ANO3: variants seen among roughly 807,000 people sequenced by gnomAD.
The protein encoded by ANO3 is anoctamin-3.
A neutral mutation model predicts 144.8 loss-of-function variants in ANO3; 99 were observed. That is an observed-to-expected ratio of 0.68 (90% CI 0.58 to 0.81). The LOEUF (loss-of-function observed/expected upper bound fraction) is 0.81, where lower values mean the gene tolerates loss of function less well. Ranked by LOEUF, ANO3 falls within the 30% of genes least tolerant of loss-of-function variation. The pLI is 0.00. For missense variants in ANO3, 905 were observed against 1,202.2 expected, an observed-to-expected ratio of 0.75 and a Z score of 3.66; for synonymous variants, 414 against 392.6, an observed-to-expected ratio of 1.05 and a Z score of -0.64.
intron 1 of ANO3, among the ~76,000 whole-genome samples, chr11:26,235,019 A>AGAGAGAGAGAGAGAGAGAGG (rs1852487630): frequency 2.0e-5 from 3 of 151,928 alleles, no homozygotes; most frequent in African/African-American, 7.2e-5. Flanking sequence ...AGAGAGAGAG[A>AGAGAGAGAGAGAGAGAGAGG]GAGAGATGAG....
In ANO3 at chr11:26,456,194, T is replaced by C. The variant is rs1208058112; in HGVS notation, c.314-6836T>C. 1.2e-4 allele frequency among the ~76,000 whole-genome samples: 18 copies of C among 152,060 alleles called. No homozygotes were observed. In the South Asian group the frequency reaches 3.5e-3, roughly 30 times the overall value. ...GACTTCATGTCTAAAACACCAAAAGTAATGGCAACAGAAGCCAAAATTGAC... is the reference window on the plus strand; with the variant it reads ...GACTTCATGTCTAAAACACCAAAAGCAATGGCAACAGAAGCCAAAATTGAC... On this transcript the variant is annotated intron_variant, in intron 3 of 26. Coordinates refer to ENST00000256737, the MANE Select transcript of ANO3 (RefSeq NM_031418.4).
intron 1 of ANO3, among the ~76,000 whole-genome samples, chr11:26,401,625 A>C (rs1265400555): frequency 6.6e-6 from 1 of 151,970 alleles, no homozygotes; most frequent in Non-Finnish European, 1.5e-5. Context: ...CTGTAATCCC[A>C]GTACTTTGGG....
chr11:26,212,202 G>GA lies in ANO3; in HGVS notation c.154+22878dup, dbSNP rs201769924. Among the ~76,000 whole-genome samples, 935 of 150,800 alleles carry GA rather than the reference G, an allele frequency of 6.2e-3. 6 individuals carry two copies. Among genetic ancestry groups the GA allele is most frequent in the African/African-American group, 0.022 (896 of 41,232 alleles). On this transcript the variant is annotated intron_variant, in intron 1 of 27. Coordinates refer to the ANO3 transcript ENST00000672621. ...TGCACATATACCTCAAAACTTAAAA[G>GA]AAAAAAGTATATATTAAAAAAAGAA...
intron 1 of ANO3, among the ~76,000 whole-genome samples, chr11:26,263,463 T>C (rs909644427): frequency 1.3e-5 from 2 of 152,242 alleles, no homozygotes; most frequent in Non-Finnish European, 2.9e-5. Context: ...TGACTCTTCC[T>C]GTTGTCACTC....
At chr11:26,553,003 C>CACAAATGTAAAAATGGCCTGTTATCATT (rs145559609) in intron 12 of ANO3, among the ~76,000 whole-genome samples, 2 of 151,596 alleles carry the variant, frequency 1.3e-5, no homozygotes, top group Non-Finnish European at 2.9e-5. Flanking sequence ...CCATTTATCA[C>CACAAATGTAAAAATGGCCTGTTATCATT]ACAATTATCT....
intron 5 of ANO3, among the ~76,000 whole-genome samples, chr11:26,513,311 G>A (rs1238995850): frequency 6.6e-6 from 1 of 152,180 alleles, no homozygotes; most frequent in Non-Finnish European, 1.5e-5. Flanking sequence ...TGACCCTTGT[G>A]AGAAGGATAG....
At position 26,347,702 on chromosome 11, in the gene ANO3, T is replaced by TGA. The variant is rs1373313831; in HGVS notation, c.46+15392_46+15393dup. On this transcript the variant is annotated intron_variant, in intron 1 of 26. Coordinates refer to ENST00000256737, the MANE Select transcript of ANO3 (RefSeq NM_031418.4). ...AATTTTTCTGATTTTTATTAGCACTTGAGAGAGAGAGAAGGCATAGACAAA... is the reference window on the plus strand; with the variant it reads ...AATTTTTCTGATTTTTATTAGCACTTGAGAGAGAGAGAGAAGGCATAGACAAA... Among the ~76,000 whole-genome samples the TGA allele has an allele frequency of 6.6e-5, 10 of 151,952 alleles. No individual in the cohort carries two copies. The East Asian group carries it at 7.7e-4, about 12-fold the overall frequency.
intron 14 of ANO3, among the ~76,000 whole-genome samples, chr11:26,590,851 C>T (rs1233893346): frequency 2.6e-5 from 4 of 152,006 alleles, no homozygotes; most frequent in East Asian, 1.9e-4. Context: ...CAGCTTGAGC[C>T]GTAACAAACA....
At chr11:26,563,247 ATTCCTGTAT>A (rs1364913999) in intron 14 of ANO3, 3 of 1,601,720 alleles carry the variant, frequency 1.9e-6, no homozygotes, top group Non-Finnish European at 2.6e-6. Context: ...CCCGAATACT[ATTCCTGTAT>A]TTCTATTTTC....
intron 1 of ANO3, among the ~76,000 whole-genome samples, chr11:26,203,539 G>A (rs570125388): frequency 6.6e-6 from 1 of 152,260 alleles, no homozygotes; most frequent in South Asian, 2.1e-4. Context: ...ACAAGGCAAA[G>A]GGGCTTGGGC....
intron 24 of ANO3, among the ~76,000 whole-genome samples, chr11:26,649,199 C>T (rs375352887): frequency 6.6e-6 from 1 of 152,138 alleles, no homozygotes; most frequent in East Asian, 1.9e-4. Context: ...AATTCCATTC[C>T]AGAAATACAT....
chr11:26,499,886 A>T (rs1239820555), intron 4 of ANO3, among the ~76,000 whole-genome samples: 1 of 151,910 alleles, frequency 6.6e-6, no homozygotes, highest in African/African-American at 2.4e-5. Flanking sequence ...GGATTGTGCA[A>T]CCATCCCCAC....
At chr11:26,528,753 T>C (rs1416591577) in intron 7 of ANO3, among the ~76,000 whole-genome samples, 1 of 152,044 alleles carries the variant, frequency 6.6e-6, no homozygotes, top group Non-Finnish European at 1.5e-5. Flanking sequence ...TCCTACCCCA[T>C]TGCTTTTTAT....
At chr11:26,544,054 T>C (rs366611) in intron 11 of ANO3, among the ~76,000 whole-genome samples, 107,046 of 150,458 alleles carry the variant, frequency 0.71, 38,386 homozygotes, top group East Asian at 0.84. Flanking sequence ...ATTATGAACA[T>C]AGTGAAATGT....
intron 1 of ANO3, among the ~76,000 whole-genome samples, chr11:26,226,971 C>T (rs1852270150): frequency 6.6e-6 from 1 of 152,064 alleles, no homozygotes; most frequent in Non-Finnish European, 1.5e-5. Flanking sequence ...TGATAGCCAC[C>T]ATTCTACTTT....
intron 1 of ANO3, among the ~76,000 whole-genome samples, chr11:26,359,091 G>T (rs1001559898): frequency 1.3e-5 from 2 of 152,064 alleles, no homozygotes; most frequent in Non-Finnish European, 2.9e-5. Flanking sequence ...AATTTTTCTG[G>T]TGCTTTGAAT....
chr11:26,527,483 G>T (rs886322569), intron 7 of ANO3, among the ~76,000 whole-genome samples: 2 of 151,956 alleles, frequency 1.3e-5, no homozygotes, highest in African/African-American at 4.8e-5. Flanking sequence ...TAGAAAAGAA[G>T]TCTATAAAAT....
At chr11:26,657,634 C>T (rs1442185765) in intron 26 of ANO3, among the ~76,000 whole-genome samples, 5 of 151,864 alleles carry the variant, frequency 3.3e-5, no homozygotes, top group Admixed American at 6.6e-5. Context: ...CCTTTTCATC[C>T]GTATAAATTC....
At chr11:26,314,451 T>G (rs938609845) in intron 1 of ANO3, among the ~76,000 whole-genome samples, 1 of 152,200 alleles carries the variant, frequency 6.6e-6, no homozygotes, top group Non-Finnish European at 1.5e-5. Flanking sequence ...ATTCTACTCA[T>G]TACTGCTTTT....
Sources: gnomAD v4.1 joint callset for allele counts (sites outside exome capture counted in the v4.1 genomes callset) on GRCh38, gnomAD v4.1.1 for gene constraint, MANE v1.5 for transcripts, NCBI Gene and HGNC (gene_info 2026-07-23, HGNC 2026-07-21) for gene names.